PCNX1: variants seen among roughly 807,000 people sequenced by gnomAD.
PCNX1 encodes pecanex 1, also known as pecanex-like protein 1.
PCNX1 carries 78 observed loss-of-function variants against 242.2 expected under a neutral mutation model. That is an observed-to-expected ratio of 0.32 (90% confidence interval 0.27 to 0.39). The LOEUF (loss-of-function observed/expected upper bound fraction) is 0.39, where lower values mean the gene tolerates loss of function less well. PCNX1 is among the 10% of genes least tolerant of loss of function. The pLI is 1.00. For synonymous variants in PCNX1, 1,024 were observed against 1,032.9 expected (o/e 0.99, Z 0.17); for missense variants, 2,581 against 2,856.5 (o/e 0.90, Z 2.20).
At chr14:71,056,199 T>C (rs1388911594) in intron 25 of PCNX1, among the ~76,000 whole-genome samples, 1 of 152,220 alleles carries the variant, frequency 6.6e-6, no homozygotes, top group Non-Finnish European at 1.5e-5. Flanking sequence ...TACTCCCAAA[T>C]ACACTGGAAT....
chr14:70,963,229 A>G (rs191001239), intron 3 of PCNX1, among the ~76,000 whole-genome samples: 1 of 152,226 alleles, frequency 6.6e-6, no homozygotes, highest in Admixed American at 6.5e-5. Flanking sequence ...TAACTATCCT[A>G]CATTTCTCAA....
rs562262830 is a variant in PCNX1 at position 70,908,008 on chromosome 14, G to A, written c.153+5G>A. 6.4e-7 allele frequency: 1 copy of A among 1,572,158 alleles called. No individual in the cohort carries two copies. Among genetic ancestry groups the A allele is most frequent in the East Asian group, 2.5e-5 (1 of 40,022 alleles). On this transcript the variant is annotated splice_donor_5th_base_variant and intron_variant, in intron 1 of 35. Coordinates refer to ENST00000304743, the MANE Select transcript of PCNX1 (RefSeq NM_014982.3). ...CTGCCCTTCACCCTCTACATGGTGA[G>A]TGTGGGGGCGGGGAGCGGGTGGCTC...
At chr14:70,979,119 C>T (rs2058763761) in intron 6 of PCNX1, among the ~76,000 whole-genome samples, 1 of 152,096 alleles carries the variant, frequency 6.6e-6, no homozygotes, top group Admixed American at 6.6e-5. Flanking sequence ...TGATTATGTA[C>T]ATTGAGAATT....
At chr14:71,014,209 A>G (rs187789281) in intron 11 of PCNX1, among the ~76,000 whole-genome samples, 115 of 152,344 alleles carry the variant, frequency 7.5e-4, no homozygotes, top group African/African-American at 2.6e-3. Context: ...TACCCCTAGC[A>G]GGAGCACTAC....
intron 7 of PCNX1, among the ~76,000 whole-genome samples, chr14:70,995,216 G>T (rs898413418): frequency 2.0e-5 from 3 of 152,112 alleles, no homozygotes; most frequent in African/African-American, 2.4e-5. Context: ...GATTCTTTTT[G>T]ATTCAAGATT....
At chr14:70,948,876 GAT>G (rs1412809699) in intron 2 of PCNX1, among the ~76,000 whole-genome samples, 1 of 146,168 alleles carries the variant, frequency 6.8e-6, no homozygotes, top group Non-Finnish European at 1.5e-5. Flanking sequence ...TGTATATATA[GAT>G]ATGTGTATAT....
intron 6 of PCNX1, among the ~76,000 whole-genome samples, chr14:70,983,999 G>T (rs1375931083): frequency 6.6e-6 from 1 of 151,318 alleles, no homozygotes; most frequent in Non-Finnish European, 1.5e-5. Flanking sequence ...TAGTAATTTT[G>T]TTGTTGGGTA....
chr14:70,971,390 C>G (rs1371788620), intron 5 of PCNX1, among the ~76,000 whole-genome samples: 2 of 13,384 alleles, frequency 1.5e-4, no homozygotes, highest in African/African-American at 5.2e-4. Flanking sequence ...ATGATCCACC[C>G]GCCTCGGCCT....
At position 71,026,235 on chromosome 14, in the gene PCNX1, G is replaced by C. The variant is rs750908653; in HGVS notation, c.3302G>C (p.Gly1101Ala). The C allele has an allele frequency of 2.5e-6, 4 of 1,611,502 alleles. No individual in the cohort carries two copies. The Admixed American group carries it at 5.0e-5, about 20-fold the overall frequency. Residue 1101 changes from glycine (G) to alanine (A), a missense_variant, in exon 14 of 36, where the codon GGA becomes GCA. Gly to Ala is a moderately conservative substitution (Grantham distance 60). This residue lies in a region of PCNX1 where 432 missense variants were observed against 443.1 expected (regional missense o/e 0.97). Transcript: ENST00000304743. ...NLTATKFKLY[G>A]ITFTNPLVFI... ...ACTGCAACCAAGTTCAAATTATATGGAATAACTTTCACCAATCCACTGGTG... is the reference window on the plus strand; with the variant it reads ...ACTGCAACCAAGTTCAAATTATATGCAATAACTTTCACCAATCCACTGGTG...
chr14:71,036,777 G>A (rs962531911), intron 19 of PCNX1, among the ~76,000 whole-genome samples: 1 of 152,136 alleles, frequency 6.6e-6, no homozygotes, highest in Non-Finnish European at 1.5e-5. Context: ...TGAAATACAT[G>A]ACTTTTTATT....
At chr14:70,937,635 A>G (rs2057062683) in intron 1 of PCNX1, among the ~76,000 whole-genome samples, 2 of 152,156 alleles carry the variant, frequency 1.3e-5, no homozygotes, top group Admixed American at 6.5e-5. Flanking sequence ...TTGGTTCCAT[A>G]TGAACTTTAA....
intron 19 of PCNX1, among the ~76,000 whole-genome samples, chr14:71,039,201 A>AC (rs1205086470): frequency 2.0e-5 from 3 of 152,026 alleles, no homozygotes; most frequent in Admixed American, 6.6e-5. Context: ...GTGCACACGT[A>AC]CCCTAAAACT....
chr14:71,039,948 T>G (rs2060657497), intron 19 of PCNX1, among the ~76,000 whole-genome samples: 2 of 152,104 alleles, frequency 1.3e-5, no homozygotes, highest in Admixed American at 1.3e-4. Flanking sequence ...TTTGGTGTCA[T>G]TTTTCCTCCT....
intron 16 of PCNX1, 107 bp from the exon 17 acceptor site, chr14:71,033,322 T>G (rs1036191785): frequency 3.4e-5 from 20 of 582,638 alleles, no homozygotes; most frequent in African/African-American, 5.7e-5. Context: ...TAAAAACTTT[T>G]GTTGAATTTA....
In PCNX1 at chr14:71,045,419, TAATG is replaced by T. The variant is rs144037596; in HGVS notation, c.4018+140_4018+143del. 2.7e-3 allele frequency: 1,718 copies of T among 643,482 alleles called. 14 individuals carry two copies. In the African/African-American group the frequency reaches 0.029, roughly 11 times the overall value. 39.9% of individuals were successfully genotyped at this position (643,482 alleles called of 1,614,324 possible). A position where few individuals can be genotyped will look rare whatever the true frequency, so the allele number is the denominator to read the frequency against. ...TTCTTTTGCTTAAGTTTGAAGCCGT[TAATG>T]AATCTAGTCTCTTGCAGGATGCTTT... On this transcript the variant is annotated intron_variant, in intron 20 of 35. Transcript: ENST00000304743.
At chr14:71,091,795 C>T (rs1225705460) in intron 30 of PCNX1, among the ~76,000 whole-genome samples, 2 of 152,308 alleles carry the variant, frequency 1.3e-5, no homozygotes, top group East Asian at 1.9e-4. Flanking sequence ...AACTGTGGTA[C>T]ATATTAATAT....
intron 28 of PCNX1, among the ~76,000 whole-genome samples, chr14:71,081,066 T>G (rs1018347564): frequency 9.2e-5 from 14 of 152,106 alleles, no homozygotes; most frequent in African/African-American, 2.9e-4. Context: ...TTATGGAGAG[T>G]TTTTAGCATG....
chr14:71,022,242 C>A (rs1184888908), intron 12 of PCNX1, among the ~76,000 whole-genome samples: 1 of 152,020 alleles, frequency 6.6e-6, no homozygotes, highest in African/African-American at 2.4e-5. Context: ...CTTTAGTGCC[C>A]TAAATCATTT....
chr14:71,017,571 G>A (rs890778745), intron 11 of PCNX1, among the ~76,000 whole-genome samples: 1 of 152,094 alleles, frequency 6.6e-6, no homozygotes. Flanking sequence ...CAGGAGAAAA[G>A]TTTTATGAAC....
Sources: gnomAD v4.1 joint callset for allele counts (sites outside exome capture counted in the v4.1 genomes callset) on GRCh38, gnomAD v4.1.1 for gene constraint, gnomAD v4.1.1 regional missense constraint, MANE v1.5 for transcripts, NCBI Gene and HGNC (gene_info 2026-07-23, HGNC 2026-07-21) for gene names.